The following ERBB4 variants were observed in gnomAD, a reference collection of about 807,000 sequenced individuals.
ERBB4 encodes the protein erb-b2 receptor tyrosine kinase 4, also known as receptor tyrosine-protein kinase erbB-4.
Under a neutral mutation model 158.0 loss-of-function variants are expected in ERBB4, and 42 were observed. The observed-to-expected ratio is 0.27, with a 90% CI of 0.21 to 0.34. The LOEUF is 0.34. Among genes scored for constraint, ERBB4 ranks in the 10% least tolerant of loss-of-function variants. ERBB4 has a pLI of 1.00. For missense variants in ERBB4, 1,333 were observed against 1,624.1 expected, an observed-to-expected ratio of 0.82 and a Z score of 3.08; for synonymous variants, 583 against 558.7, an observed-to-expected ratio of 1.04 and a Z score of -0.61.
chr2:211,639,011 T>C (rs1018375729), intron 16 of ERBB4, among the ~76,000 whole-genome samples: 1 of 152,186 alleles, frequency 6.6e-6, no homozygotes, highest in Non-Finnish European at 1.5e-5. Context: ...CCCAGGATTT[T>C]CTACAACTAA....
At position 212,320,189 on chromosome 2, in the gene ERBB4, TACTGGG is replaced by T. The variant is rs1449651333; in HGVS notation, c.83-195292_83-195287del. 5.4e-3 allele frequency among the ~76,000 whole-genome samples: 805 copies of T among 148,508 alleles called. 13 individuals carry two copies. Among genetic ancestry groups the T allele is most frequent in the African/African-American group, 0.017 (715 of 41,120 alleles). On this transcript the variant is annotated intron_variant, in intron 1 of 27. Transcript: ENST00000342788. Reference sequence around the variant, plus strand: ...GACTGGGTAAATCTACCAGGCCGATTACTGGGTACATCTACCAGGCAGATTTACGCA... The same window carrying T: ...GACTGGGTAAATCTACCAGGCCGATTTACATCTACCAGGCAGATTTACGCA...
intron 1 of ERBB4, among the ~76,000 whole-genome samples, chr2:212,384,419 T>C (rs2090607245): frequency 6.6e-6 from 1 of 151,396 alleles, no homozygotes; most frequent in Admixed American, 6.6e-5. Context: ...ACGGAGAGAG[T>C]ATATAAGAAA....
intron 2 of ERBB4, among the ~76,000 whole-genome samples, chr2:211,987,341 A>AAAAAAAGAAAG (rs1215048952): frequency 2.4e-5 from 3 of 124,416 alleles, no homozygotes; most frequent in Non-Finnish European, 3.3e-5. Flanking sequence ...AAAAAAAAAA[A>AAAAAAAGAAAG]AAAGAAAGAA....
At chr2:211,643,342 T>C (rs10180037) in intron 16 of ERBB4, among the ~76,000 whole-genome samples, 22,304 of 152,050 alleles carry the variant, frequency 0.15, 2,029 homozygotes, top group East Asian at 0.21. Context: ...AACAGAAAGA[T>C]AATAAAATGA....
At chr2:211,920,390 A>G (rs1052548085) in intron 3 of ERBB4, among the ~76,000 whole-genome samples, 1 of 151,992 alleles carries the variant, frequency 6.6e-6, no homozygotes, top group Non-Finnish European at 1.5e-5. Flanking sequence ...CCTATGTTAC[A>G]TGATAGATCT....
At chr2:212,228,195 C>A (rs2083539788) in intron 1 of ERBB4, among the ~76,000 whole-genome samples, 1 of 152,254 alleles carries the variant, frequency 6.6e-6, no homozygotes, top group Middle Eastern at 3.4e-3. Flanking sequence ...ACTTTGGCAA[C>A]TAATCCTATT....
At chr2:211,775,214 TCTTCC>T (rs1364627532) in intron 4 of ERBB4, among the ~76,000 whole-genome samples, 3 of 152,206 alleles carry the variant, frequency 2.0e-5, no homozygotes, top group Non-Finnish European at 2.9e-5. Flanking sequence ...TAGTCATGAA[TCTTCC>T]CACTATTTTG....
chr2:212,074,820 T>C (rs887967338), intron 2 of ERBB4, among the ~76,000 whole-genome samples: 1 of 152,006 alleles, frequency 6.6e-6, no homozygotes, highest in Admixed American at 6.6e-5. Flanking sequence ...TGTAAAACGC[T>C]ATCAAGTTTG....
chr2:211,667,273 G>T (rs1421493631), intron 14 of ERBB4, among the ~76,000 whole-genome samples: 1 of 152,076 alleles, frequency 6.6e-6, no homozygotes, highest in East Asian at 1.9e-4. Flanking sequence ...GTTACTTAAG[G>T]CATCAGAAAA....
chr2:211,713,588 A>G lies in ERBB4; in HGVS notation c.944T>C (p.Val315Ala), dbSNP rs757933961. 6 of 1,612,916 alleles carry G rather than the reference A, an allele frequency of 3.7e-6. No homozygotes were observed. In the South Asian group the frequency reaches 4.4e-5, roughly 12 times the overall value. Residue 315 changes from valine to alanine, a missense_variant, in exon 8 of 28, where the codon GTA (valine) becomes GCA (alanine). By Grantham distance (64) the Val-to-Ala change is moderately conservative (BLOSUM62 0). Transcript: ENST00000342788. Reference protein sequence around the residue: ...VRACPSSKMEVEENGIKMCKP... With the variant: ...VRACPSSKMEAEENGIKMCKP... ...ACACATTTTAATCCCATTTTCTTCT[A>G]CTTCCATCTTGGAACTAGGGCAGGC...
intron 1 of ERBB4, among the ~76,000 whole-genome samples, chr2:212,353,343 TATATA>T (rs2089333252): frequency 6.6e-6 from 1 of 150,572 alleles, no homozygotes; most frequent in African/African-American, 2.4e-5. Flanking sequence ...TGCAAATATG[TATATA>T]ATATGTACAA....
At chr2:211,681,356 C>T (rs2072325254) in intron 12 of ERBB4, among the ~76,000 whole-genome samples, 1 of 152,142 alleles carries the variant, frequency 6.6e-6, no homozygotes, top group Admixed American at 6.5e-5. Flanking sequence ...CATACACTTT[C>T]TTGTCCTTTA....
chr2:211,837,278 C>T lies in ERBB4; in HGVS notation c.422-49119G>A, dbSNP rs372903709. ...GTTTCCACCAAAGTGCTCCAAAATG[C>T]TTATAGAATTCAGACATCAATTCTA... On this transcript the variant is annotated intron_variant, in intron 3 of 27. Transcript: ENST00000342788. Among the ~76,000 whole-genome samples the T allele has an allele frequency of 2.6e-5, 4 of 152,086 alleles. No individual in the cohort carries two copies. In the East Asian group the frequency reaches 5.8e-4, roughly 22 times the overall value.
intron 20 of ERBB4, among the ~76,000 whole-genome samples, chr2:211,559,800 A>G (rs961921479): frequency 9.9e-5 from 15 of 152,236 alleles, no homozygotes; most frequent in Admixed American, 5.9e-4. Context: ...CTGAAACAAG[A>G]TAAAAGCCCA....
intron 1 of ERBB4, among the ~76,000 whole-genome samples, chr2:212,334,821 TTCA>T (rs1259591521): frequency 2.0e-5 from 3 of 152,048 alleles, no homozygotes; most frequent in African/African-American, 7.2e-5. Flanking sequence ...CTCATTTCAT[TTCA>T]TGACAACATT....
At chr2:211,950,898 T>C (rs745705092) in intron 2 of ERBB4, among the ~76,000 whole-genome samples, 3 of 152,182 alleles carry the variant, frequency 2.0e-5, no homozygotes, top group Non-Finnish European at 4.4e-5. Context: ...ACTGTTCTAA[T>C]GGTTGAGCTG....
chr2:211,608,447 G>A (rs2069070534), intron 19 of ERBB4, among the ~76,000 whole-genome samples: 2 of 151,992 alleles, frequency 1.3e-5, no homozygotes, highest in Admixed American at 1.3e-4. Flanking sequence ...TTCCCTTATC[G>A]GCTTTGCAAT....
chr2:211,904,988 C>G (rs983864858), intron 3 of ERBB4, among the ~76,000 whole-genome samples: 1 of 152,090 alleles, frequency 6.6e-6, no homozygotes, highest in South Asian at 2.1e-4. Context: ...ATCCAAATCA[C>G]ATTCAACTTT....
intron 1 of ERBB4, among the ~76,000 whole-genome samples, chr2:212,351,328 G>A (rs996991356): frequency 6.6e-6 from 1 of 152,136 alleles, no homozygotes; most frequent in African/African-American, 2.4e-5. Flanking sequence ...TCTTGGACTT[G>A]TAGCCTCCAG....
Sources: gnomAD v4.1 joint callset for allele counts (sites outside exome capture counted in the v4.1 genomes callset) on GRCh38, gnomAD v4.1.1 for gene constraint, MANE v1.5 for transcripts, NCBI Gene and HGNC (gene_info 2026-07-23, HGNC 2026-07-21) for gene names.